Variants in C11orf65 observed in about 807,000 individuals in gnomAD.
C11orf65 encodes protein MFI.
In C11orf65, 38 loss-of-function variants were observed where a neutral mutation model predicts 35.3. The observed-to-expected ratio is 1.08, with a 90% CI of 0.83 to 1.41. C11orf65 has a LOEUF of 1.41. C11orf65 is among the 40% of genes most tolerant of loss of function. The pLI is 0.00. For missense variants in C11orf65, 370 were observed against 367.1 expected, an observed-to-expected ratio of 1.01 and a Z score of -0.06; for synonymous variants, 105 against 114.4, an observed-to-expected ratio of 0.92 and a Z score of 0.53.
intron 2 of C11orf65, among the ~76,000 whole-genome samples, chr11:108,458,301 C>T (rs977548269): frequency 2.8e-5 from 4 of 145,218 alleles, no homozygotes; most frequent in Non-Finnish European, 5.9e-5. Context: ...AACTGGGAGG[C>T]GCCAAAATTA....
chr11:108,418,304 ATT>A (rs2092769566), intron 3 of C11orf65, among the ~76,000 whole-genome samples: 1 of 152,160 alleles, frequency 6.6e-6, no homozygotes, highest in South Asian at 2.1e-4. Context: ...AAAAATATAT[ATT>A]CTTTTCAAGT....
intron 2 of C11orf65, chr11:108,366,962 C>A: frequency 4.7e-6 from 1 of 214,146 alleles, no homozygotes; most frequent in Middle Eastern, 1.5e-3. Flanking sequence ...AGCATCAGCT[C>A]ACATATTCAC....
chr11:108,343,399 T>C lies in C11orf65; in HGVS notation c.227-8107A>G. On this transcript the variant is annotated intron_variant, in intron 2 of 3. Coordinates refer to the C11orf65 transcript ENST00000524755. ...GAGTGACACCCAAAATTAAAGGTTA[T>C]TGTAAGATTATTTAATGGCTTATTA... 3.7e-6 allele frequency: 6 copies of C among 1,612,848 alleles called. No homozygotes were observed. The highest frequency in any genetic ancestry group is 5.1e-6 in the Non-Finnish European group (6 of 1,179,030).
chr11:108,390,470 TG>T, intron 7 of C11orf65, among the ~76,000 whole-genome samples: 1 of 152,342 alleles, frequency 6.6e-6, no homozygotes, highest in Middle Eastern at 3.4e-3. Context: ...ATTCCAGTAA[TG>T]ACAGAATATA....
chr11:108,413,172 T>C (rs765912588), intron 3 of C11orf65, among the ~76,000 whole-genome samples: 1 of 152,248 alleles, frequency 6.6e-6, no homozygotes, highest in Non-Finnish European at 1.5e-5. Context: ...TTCTGGGCCA[T>C]AAAACACACC....
intron 6 of C11orf65, among the ~76,000 whole-genome samples, chr11:108,325,018 G>GAGTATTTA (rs1347602414): frequency 2.6e-5 from 4 of 152,158 alleles, no homozygotes; most frequent in Non-Finnish European, 4.4e-5. Context: ...TGTTTCAGAA[G>GAGTATTTA]AGTATTTAGA....
At chr11:108,450,360 A>G (rs1340490750) in intron 2 of C11orf65, among the ~76,000 whole-genome samples, 1 of 151,864 alleles carries the variant, frequency 6.6e-6, no homozygotes, top group African/African-American at 2.4e-5. Flanking sequence ...AATAGCAAAG[A>G]CTTGGAACTA....
rs764191468 is a variant in C11orf65 at position 108,315,812 on chromosome 11, C to T, written c.641-6741G>A. 1 of 1,604,536 alleles carries T rather than the reference C, an allele frequency of 6.2e-7. No individual in the cohort carries two copies. The highest frequency in any genetic ancestry group is 8.5e-7 in the Non-Finnish European group (1 of 1,172,256). ...TTCCTTCTTCAATTTTTGTTGTTTC[C>T]ATGTTTTCAGGATCTTCTCTTAGAA... On this transcript the variant is annotated intron_variant, in intron 6 of 6. Transcript: ENST00000525729.
chr11:108,465,438 C>T (rs561074928), intron 1 of C11orf65, among the ~76,000 whole-genome samples: 1 of 152,192 alleles, frequency 6.6e-6, no homozygotes, highest in African/African-American at 2.4e-5. Context: ...CAAGAAAGAA[C>T]ATATTCAATT....
chr11:108,325,566 G>C (rs2136320254), intron 6 of C11orf65: 1 of 1,552,822 alleles, frequency 6.4e-7, no homozygotes. Context: ...TTAAAACTAT[G>C]TCATCTTACC....
rs1169813314 is a variant in C11orf65, at chr11:108,360,514, T to C, written c.227-25222A>G. Among the ~76,000 whole-genome samples the C allele has an allele frequency of 5.5e-4, 72 of 131,132 alleles. 1 individual carries two copies. The highest frequency in any genetic ancestry group is 2.0e-3 in the African/African-American group (68 of 34,322). The allele number at this position is 131,132 out of a possible 152,430, so 86.0% of individuals were successfully genotyped here. On this transcript the variant is annotated intron_variant, in intron 2 of 3. Transcript: ENST00000524755. ...ACCAAAAAAGAGAATTTTAGACCAA[T>C]ATCCTTGATGAACATTGATGCAAAA... is the stretch of plus-strand genomic sequence containing the variant.
chr11:108,382,837 T>G lies in C11orf65; in HGVS notation c.*184A>C. 1.0e-6 allele frequency: 1 copy of G among 984,510 alleles called. No individual in the cohort carries two copies. The highest frequency in any genetic ancestry group is 1.2e-6 in the Non-Finnish European group (1 of 829,080). The allele number at this position is 984,510 out of a possible 1,614,324, so 61.0% of individuals were successfully genotyped here. ...CAGAATACTAGGAATAATTTCTATA[T>G]TTGCCATGATCATTGTATTCAGTCC... On this transcript the variant is annotated 3_prime_UTR_variant, in exon 9 of 9. Transcript: ENST00000393084.
rs567666534 is a variant in C11orf65, at chr11:108,354,199, A to G, written c.227-18907T>C. ...AAGGAAAAGACCCTGGGTAAAAGCA[A>G]TAATAGTTCCTCTTCCTTCCACCCA... is the stretch of plus-strand genomic sequence containing the variant. On this transcript the variant is annotated intron_variant, in intron 2 of 3. Transcript: ENST00000524755. 7.2e-5 allele frequency among the ~76,000 whole-genome samples: 11 copies of G among 152,244 alleles called. No individual in the cohort carries two copies. The East Asian group carries it at 7.7e-4, about 11-fold the overall frequency.
chr11:108,392,040 C>T (rs2092174516), intron 7 of C11orf65, among the ~76,000 whole-genome samples: 2 of 152,064 alleles, frequency 1.3e-5, no homozygotes, highest in Admixed American at 1.3e-4. Flanking sequence ...AGGCGTGAGC[C>T]ACTACACTTG....
intron 2 of C11orf65, chr11:108,364,997 A>G (rs2091182074): frequency 6.7e-7 from 1 of 1,501,654 alleles, no homozygotes; most frequent in South Asian, 1.2e-5. Flanking sequence ...TGACTGGCTT[A>G]TTTGTATGAT....
intron 6 of C11orf65, among the ~76,000 whole-genome samples, chr11:108,313,881 AT>A (rs956168582): frequency 2.6e-4 from 40 of 151,834 alleles, no homozygotes; most frequent in South Asian, 6.3e-4. Context: ...TTTCTATTTT[AT>A]TTTTTTTATG....
chr11:108,467,568 A>AGCCCCGCCTTCTAG (rs1360261651), upstream of C11orf65: 1 of 152,124 alleles, frequency 6.6e-6, no homozygotes, highest in African/African-American at 2.4e-5. Flanking sequence ...TTGCCCTCCT[A>AGCCCCGCCTTCTAG]GCCCCGCCTT....
chr11:108,395,399 A>T (rs1189209605), intron 6 of C11orf65, among the ~76,000 whole-genome samples: 1 of 149,944 alleles, frequency 6.7e-6, no homozygotes, highest in Non-Finnish European at 1.5e-5. Flanking sequence ...ATCTCGGCTC[A>T]CTGCAACCTC....
chr11:108,433,251 A>G (rs920325935), intron 2 of C11orf65, among the ~76,000 whole-genome samples: 1 of 149,350 alleles, frequency 6.7e-6, no homozygotes, highest in South Asian at 2.1e-4. Context: ...TTATATATAT[A>G]TATCTCTCTC....
Sources: gnomAD v4.1 joint callset for allele counts (sites outside exome capture counted in the v4.1 genomes callset) on GRCh38, gnomAD v4.1.1 for gene constraint, MANE v1.5 for transcripts, NCBI Gene and HGNC (gene_info 2026-07-23, HGNC 2026-07-21) for gene names.